AFDN: variants seen among roughly 807,000 people sequenced by gnomAD.
AFDN encodes the protein afadin.
Under a neutral mutation model 216.6 loss-of-function variants are expected in AFDN, and 68 were observed. That is an observed-to-expected ratio of 0.31 (90% CI 0.26 to 0.38). The LOEUF (loss-of-function observed/expected upper bound fraction) is 0.38. Ranked by LOEUF, AFDN falls within the 10% of genes least tolerant of loss-of-function variation. The probability of loss-of-function intolerance (pLI) is 1.00; values close to 1 mark genes in which losing one functional copy is unlikely to be tolerated. For synonymous variants in AFDN, 868 were observed against 853.7 expected (o/e 1.02, Z -0.29); for missense variants, 2,136 against 2,342.0 (o/e 0.91, Z 1.82).
intron 30 of AFDN, among the ~76,000 whole-genome samples, chr6:167,961,045 G>A (rs1322318099): frequency 6.6e-6 from 1 of 151,470 alleles, no homozygotes; most frequent in African/African-American, 2.4e-5. Flanking sequence ...AGAAATCAAG[G>A]GAGAGTGAAG....
At chr6:167,855,194 A>C (rs1782761113) in intron 1 of AFDN, among the ~76,000 whole-genome samples, 1 of 152,092 alleles carries the variant, frequency 6.6e-6, no homozygotes, top group African/African-American at 2.4e-5. Flanking sequence ...CATGGAATTC[A>C]TAAATTAATC....
rs1795310460 is a variant in AFDN at position 167,946,733 on chromosome 6, C to T, written c.3385C>T (p.Pro1129Ser). Residue 1129 changes from proline to serine, a missense_variant, in exon 27 of 34, where the codon CCC becomes TCC. Physicochemically the swap from Pro to Ser is moderately conservative, Grantham distance 74. This residue lies in a region of AFDN where 981 missense variants were observed against 966.0 expected (regional missense o/e 1.02). Transcript: ENST00000683244. ...RISDRRGSGKPRPKSEGFELY... is the reference protein window; with the variant it reads ...RISDRRGSGKSRPKSEGFELY... Reference sequence around the variant, plus strand: ...TTCAGATCGTCGTGGCTCAGGTAAACCCCGACCAAAGAGTGAAGGCTTTGA... The same window carrying T: ...TTCAGATCGTCGTGGCTCAGGTAAATCCCGACCAAAGAGTGAAGGCTTTGA... 2 of 1,613,998 alleles carry T rather than the reference C, an allele frequency of 1.2e-6. No homozygotes were observed. The highest frequency in any genetic ancestry group is 8.5e-7 in the Non-Finnish European group (1 of 1,179,974).
intron 1 of AFDN, among the ~76,000 whole-genome samples, chr6:167,839,490 G>A (rs1020640548): frequency 5.3e-5 from 8 of 152,128 alleles, no homozygotes; most frequent in African/African-American, 1.9e-4. Flanking sequence ...AGCCTGTTAG[G>A]AGTCAGACTT....
rs146285426 is a variant in AFDN at position 167,928,378 on chromosome 6, A to G, written c.3099+3287A>G. Among the ~76,000 whole-genome samples the G allele has an allele frequency of 5.9e-5, 9 of 152,322 alleles. No individual in the cohort carries two copies. The East Asian group carries it at 1.7e-3, about 29-fold the overall frequency. ...CAATTAGGACAACAAGCCAGCTTGAAAGTCACACCTGAGCCTCTGTTCAGT... is the reference window on the plus strand; with the variant it reads ...CAATTAGGACAACAAGCCAGCTTGAGAGTCACACCTGAGCCTCTGTTCAGT... On this transcript the variant is annotated intron_variant, in intron 23 of 33. Transcript: ENST00000683244.
In AFDN at chr6:167,923,915, TC is replaced by T. The variant is rs1792154291; in HGVS notation, c.3012+957del. 7.9e-5 allele frequency among the ~76,000 whole-genome samples: 12 copies of T among 152,118 alleles called. No individual in the cohort carries two copies. The South Asian group carries it at 2.5e-3, about 32-fold the overall frequency. ...GCTGGGATTACAGGCATGAGCCACC[TC>T]GCCCGGCCCCTAATACTTTTTATTG... On this transcript the variant is annotated intron_variant, in intron 22 of 33. Transcript: ENST00000683244.
intron 8 of AFDN, among the ~76,000 whole-genome samples, chr6:167,892,395 A>T (rs1272482117): frequency 6.6e-6 from 1 of 152,190 alleles, no homozygotes; most frequent in East Asian, 1.9e-4. Context: ...AGCAGCCATT[A>T]GTTTTTGAAC....
chr6:167,852,196 G>A (rs1239184497), intron 1 of AFDN, among the ~76,000 whole-genome samples: 2 of 152,144 alleles, frequency 1.3e-5, no homozygotes, highest in African/African-American at 4.8e-5. Flanking sequence ...GGTCCATACT[G>A]AGATTCCCTA....
intron 1 of AFDN, among the ~76,000 whole-genome samples, chr6:167,835,342 T>C (rs1011896233): frequency 3.9e-5 from 6 of 152,260 alleles, no homozygotes; most frequent in Non-Finnish European, 5.9e-5. Flanking sequence ...CTGTCAAATA[T>C]CTAAGCCTAA....
chr6:167,840,513 G>C (rs889958812), intron 1 of AFDN, among the ~76,000 whole-genome samples: 1 of 152,204 alleles, frequency 6.6e-6, no homozygotes, highest in Non-Finnish European at 1.5e-5. Context: ...GCTCATTCTT[G>C]AACCATAGTA....
At chr6:167,864,418 C>G (rs188716641) in intron 1 of AFDN, 133 bp from the exon 2 acceptor site, 11 of 871,856 alleles carry the variant, frequency 1.3e-5, no homozygotes, top group Non-Finnish European at 1.9e-5. Flanking sequence ...ACCCATCTCT[C>G]TACATTAGTC....
In AFDN at chr6:167,951,108, C is replaced by T; in HGVS notation, c.3832-78C>T. The T allele has an allele frequency of 6.8e-7, 1 of 1,467,248 alleles. No homozygotes were observed. Among genetic ancestry groups the T allele is most frequent in the South Asian group, 1.5e-5 (1 of 68,280 alleles). The allele number at this position is 1,467,248 out of a possible 1,614,324, so 90.9% of individuals were successfully genotyped here. ...ACTGATTTAACAGTTTTTCTTCTGT[C>T]TGAAGATAAAATGTTTGTGGATATT... On this transcript the variant is annotated intron_variant, in intron 29 of 33. Coordinates refer to ENST00000683244, the MANE Select transcript of AFDN (RefSeq NM_001386888.1). This position sits in a 1 kb window ranked among gnomAD's most constrained non-coding sequence, Gnocchi z 7.1.
At chr6:167,954,269 T>C (rs1378462402) in intron 30 of AFDN, among the ~76,000 whole-genome samples, 8 of 152,354 alleles carry the variant, frequency 5.3e-5, no homozygotes, top group African/African-American at 1.7e-4. Context: ...TTTAATACCA[T>C]GTGGGCATTT....
At chr6:167,950,931 A>G (rs1038378507) in intron 29 of AFDN, among the ~76,000 whole-genome samples, 1 of 150,940 alleles carries the variant, frequency 6.6e-6, no homozygotes, top group African/African-American at 2.4e-5. Context: ...TCCTGGGCTC[A>G]AGCAGTCCAC....
chr6:167,854,196 G>T (rs958072051), intron 1 of AFDN, among the ~76,000 whole-genome samples: 3 of 151,884 alleles, frequency 2.0e-5, no homozygotes, highest in Admixed American at 2.0e-4. Context: ...TTGTGGGTGA[G>T]GTTGTTCATC....
intron 8 of AFDN, among the ~76,000 whole-genome samples, chr6:167,891,441 G>A (rs1424508783): frequency 6.6e-6 from 1 of 150,578 alleles, no homozygotes; most frequent in Admixed American, 6.6e-5. Context: ...GTGTGTGTGT[G>A]TGTGTGTGTG....
At chr6:167,935,224 G>A (rs1306801396) in intron 23 of AFDN, among the ~76,000 whole-genome samples, 1 of 152,048 alleles carries the variant, frequency 6.6e-6, no homozygotes, top group Non-Finnish European at 1.5e-5. Flanking sequence ...GTTTCAAGAG[G>A]CATTTTAAGA....
At chr6:167,878,100 G>T (rs1785616054) in intron 5 of AFDN, among the ~76,000 whole-genome samples, 1 of 151,566 alleles carries the variant, frequency 6.6e-6, no homozygotes, top group South Asian at 2.1e-4. Context: ...TAAATTAACA[G>T]AATTGTAAGA....
intron 20 of AFDN, 109 bp downstream of exon 20, chr6:167,917,341 TCATCTTA>T: frequency 8.6e-7 from 1 of 1,167,052 alleles, no homozygotes. Flanking sequence ...TTATTTATTC[TCATCTTA>T]CAAGATCATT....
intron 20 of AFDN, among the ~76,000 whole-genome samples, chr6:167,917,913 AT>A (rs1791300064): frequency 6.6e-6 from 1 of 152,252 alleles, no homozygotes; most frequent in Admixed American, 6.5e-5. Flanking sequence ...TGGGATGAAC[AT>A]TATGACATAA....
Sources: allele counts gnomAD v4.1 joint callset (sites outside exome capture counted in the v4.1 genomes callset), GRCh38; gene constraint gnomAD v4.1.1; regional missense constraint gnomAD v4.1.1; non-coding constraint Gnocchi (gnomAD v3.1); transcripts MANE v1.5; gene names NCBI Gene and HGNC (gene_info 2026-07-23, HGNC 2026-07-21).